Variants in ATXN7L3B observed in about 807,000 individuals in gnomAD.
The protein encoded by ATXN7L3B is ataxin-7-like protein 3B.
A neutral mutation model predicts 6.3 loss-of-function variants in ATXN7L3B; 4 were observed. That is an observed-to-expected ratio of 0.63 (90% CI 0.31 to 1.45). The LOEUF is 1.45. Ranked by LOEUF, ATXN7L3B falls within the 40% of genes most tolerant of loss-of-function variation. The pLI is 0.07. For missense variants in ATXN7L3B, 120 were observed against 118.5 expected (o/e 1.01, Z -0.06); for synonymous variants, 63 against 48.0 (o/e 1.31, Z -1.29).
rs1868840777 is a variant in ATXN7L3B, at chr12:74,539,972, A to C, written c.*1566A>C. 6.0e-6 allele frequency: 1 copy of C among 167,244 alleles called. No individual in the cohort carries two copies. The highest frequency in any genetic ancestry group is 1.5e-5 in the Non-Finnish European group (1 of 68,450). 10.4% of individuals were successfully genotyped at this position (167,244 alleles called of 1,614,324 possible). A position where few individuals can be genotyped will look rare whatever the true frequency, so the allele number is the denominator to read the frequency against. ...TGCTCCACTGCCTATCTGGTGCCCC[A>C]GGTGCTGCTTGCCACTCCAGCTGTC... On this transcript the variant is annotated 3_prime_UTR_variant, in exon 1 of 1. Transcript: ENST00000519948.
chr12:74,539,340 G>A lies in ATXN7L3B; in HGVS notation c.*934G>A, dbSNP rs1412839012. The A allele has an allele frequency of 6.0e-6, 1 of 167,130 alleles. No individual in the cohort carries two copies. Among genetic ancestry groups the A allele is most frequent in the African/African-American group, 2.4e-5 (1 of 41,456 alleles). The allele number at this position is 167,130 out of a possible 1,614,324, so 10.4% of individuals were successfully genotyped here. ...TCCATGGGTGTGACTTGGTCCTTAAGTCAGGTCACTATCTGCCTCCCACCC... is the reference window on the plus strand; with the variant it reads ...TCCATGGGTGTGACTTGGTCCTTAAATCAGGTCACTATCTGCCTCCCACCC... On this transcript the variant is annotated 3_prime_UTR_variant, in exon 1 of 1. Coordinates refer to ENST00000519948, the MANE Select transcript of ATXN7L3B (RefSeq NM_001136262.2).
Position 74,543,992 on chromosome 12 carries a change from C to G in ATXN7L3B, c.*5586C>G, listed in dbSNP as rs775073545. 34 of 151,954 alleles carry G rather than the reference C, an allele frequency of 2.2e-4. No individual in the cohort carries two copies. The highest frequency in any genetic ancestry group is 4.7e-4 in the Non-Finnish European group (32 of 67,868). 9.4% of individuals were successfully genotyped at this position (151,954 alleles called of 1,614,324 possible). ...ATTTACATGAACAATTTTATAGAAT[C>G]TAGAAACAGTTGTTCTCAGATGACA... On this transcript the variant is annotated 3_prime_UTR_variant, in exon 1 of 1. Coordinates refer to ENST00000519948, the MANE Select transcript of ATXN7L3B (RefSeq NM_001136262.2).
chr12:74,538,660 T>A lies in ATXN7L3B; in HGVS notation c.*254T>A, dbSNP rs1367880476. 1.2e-4 allele frequency: 61 copies of A among 509,176 alleles called. No homozygotes were observed. Among genetic ancestry groups the A allele is most frequent in the Non-Finnish European group, 1.8e-4 (50 of 273,770 alleles). 31.5% of individuals were successfully genotyped at this position (509,176 alleles called of 1,614,324 possible). On this transcript the variant is annotated 3_prime_UTR_variant, in exon 1 of 1. Transcript: ENST00000519948. ...GCGGGCCATGCAGTGCCTGTTGATC[T>A]CTAAACACACCAGGATGTGCGCAAG... is the stretch of plus-strand genomic sequence containing the variant.
rs1201473987 is a variant in ATXN7L3B, at chr12:74,544,445, A to G, written c.*6039A>G. 1 of 151,994 alleles carries G rather than the reference A, an allele frequency of 6.6e-6. No homozygotes were observed. Among genetic ancestry groups the G allele is most frequent in the Non-Finnish European group, 1.5e-5 (1 of 67,862 alleles). The allele number at this position is 151,994 out of a possible 1,614,324, so 9.4% of individuals were successfully genotyped here. On this transcript the variant is annotated 3_prime_UTR_variant, in exon 1 of 1. Coordinates refer to ENST00000519948, the MANE Select transcript of ATXN7L3B (RefSeq NM_001136262.2). ...GACAAGATCTTTTTGACAGATGTATATTTTAGTTTTGGTGCAGAAACAATG... is the reference window on the plus strand; with the variant it reads ...GACAAGATCTTTTTGACAGATGTATGTTTTAGTTTTGGTGCAGAAACAATG...
rs1171554706 is a variant in ATXN7L3B at position 74,540,208 on chromosome 12, T to TA, written c.*1804dup. On this transcript the variant is annotated 3_prime_UTR_variant, in exon 1 of 1. Coordinates refer to ENST00000519948, the MANE Select transcript of ATXN7L3B (RefSeq NM_001136262.2). Reference sequence around the variant, plus strand: ...TATTTAAAATGCAGTGTCATGCCTATAAGCATTTCTCCTATATAGGACTGC... The same window carrying TA: ...TATTTAAAATGCAGTGTCATGCCTATAAAGCATTTCTCCTATATAGGACTGC... The TA allele has an allele frequency of 6.0e-6, 1 of 167,094 alleles. No homozygotes were observed. Among genetic ancestry groups the TA allele is most frequent in the African/African-American group, 2.4e-5 (1 of 41,446 alleles). The allele number at this position is 167,094 out of a possible 1,614,324, so 10.4% of individuals were successfully genotyped here.
chr12:74,542,138 G>A lies in ATXN7L3B; in HGVS notation c.*3732G>A, dbSNP rs1429405187. The A allele has an allele frequency of 6.6e-6, 1 of 152,212 alleles. No homozygotes were observed. Among genetic ancestry groups the A allele is most frequent in the Admixed American group, 6.5e-5 (1 of 15,288 alleles). The allele number at this position is 152,212 out of a possible 1,614,324, so 9.4% of individuals were successfully genotyped here. On this transcript the variant is annotated 3_prime_UTR_variant, in exon 1 of 1. Coordinates refer to ENST00000519948, the MANE Select transcript of ATXN7L3B (RefSeq NM_001136262.2). ...GGATACCTCAGGGAAGCTTATAGAT[G>A]TGTAACATGGTATTGAGTCTTCTCT...
rs1039480882 is a variant in ATXN7L3B, at chr12:74,540,747, A to G, written c.*2341A>G. On this transcript the variant is annotated 3_prime_UTR_variant, in exon 1 of 1. Transcript: ENST00000519948. The stretch of plus-strand genomic sequence containing the variant: ...GATGATGGTAAAGGAGAAAGGCCAC[A>G]GTCCAATCCCTCTGCCTTCAGATAG... 2 of 167,158 alleles carry G rather than the reference A, an allele frequency of 1.2e-5. No homozygotes were observed. Among genetic ancestry groups the G allele is most frequent in the African/African-American group, 4.8e-5 (2 of 41,466 alleles). The allele number at this position is 167,158 out of a possible 1,614,324, so 10.4% of individuals were successfully genotyped here.
chr12:74,541,746 G>A lies in ATXN7L3B; in HGVS notation c.*3340G>A, dbSNP rs1329629070. 1 of 152,164 alleles carries A rather than the reference G, an allele frequency of 6.6e-6. No individual in the cohort carries two copies. Among genetic ancestry groups the A allele is most frequent in the Admixed American group, 6.5e-5 (1 of 15,284 alleles). 9.4% of individuals were successfully genotyped at this position (152,164 alleles called of 1,614,324 possible). On this transcript the variant is annotated 3_prime_UTR_variant, in exon 1 of 1. Coordinates refer to ENST00000519948, the MANE Select transcript of ATXN7L3B (RefSeq NM_001136262.2). ...CACTAAAAGCCCACTGTGACAGATAGTTCCATTTGAATTGAACTCAATATA... is the reference window on the plus strand; with the variant it reads ...CACTAAAAGCCCACTGTGACAGATAATTCCATTTGAATTGAACTCAATATA...
In ATXN7L3B at chr12:74,540,627, C is replaced by T. The variant is rs1261872766; in HGVS notation, c.*2221C>T. ...AAGAGCTAAAATAATTTGGAGATAT[C>T]TTTGCCCTTGACTTGTAGACGACAT... On this transcript the variant is annotated 3_prime_UTR_variant, in exon 1 of 1. Transcript: ENST00000519948. The T allele has an allele frequency of 6.0e-6, 1 of 166,972 alleles. No individual in the cohort carries two copies. Among genetic ancestry groups the T allele is most frequent in the Non-Finnish European group, 1.5e-5 (1 of 68,102 alleles). 10.3% of individuals were successfully genotyped at this position (166,972 alleles called of 1,614,324 possible). A position where few individuals can be genotyped will look rare whatever the true frequency, so the allele number is the denominator to read the frequency against.
In ATXN7L3B at chr12:74,537,988, A is replaced by G. The variant is rs1194236578; in HGVS notation, c.-125A>G. 2.3e-6 allele frequency: 2 copies of G among 874,992 alleles called. No individual in the cohort carries two copies. Among genetic ancestry groups the G allele is most frequent in the Non-Finnish European group, 3.5e-6 (2 of 577,492 alleles). 54.2% of individuals were successfully genotyped at this position (874,992 alleles called of 1,614,324 possible). On this transcript the variant is annotated 5_prime_UTR_variant, in exon 1 of 1. Transcript: ENST00000519948. ...CGCTGCTCCTGCAGTTGCGGACGCCACCGACCCCGCCGCCGGAGGACTGGG... is the reference window on the plus strand; with the variant it reads ...CGCTGCTCCTGCAGTTGCGGACGCCGCCGACCCCGCCGCCGGAGGACTGGG...
chr12:74,545,026 A>G lies in ATXN7L3B; in HGVS notation c.*6620A>G, dbSNP rs1011418689. On this transcript the variant is annotated 3_prime_UTR_variant, in exon 1 of 1. Transcript: ENST00000519948. ...AACAAAATACCAATTTACCCTACTC[A>G]GTATGATTAAATTTTTTTAAATGGT... 1.1e-4 allele frequency: 16 copies of G among 152,090 alleles called. No individual in the cohort carries two copies. Among genetic ancestry groups the G allele is most frequent in the African/African-American group, 3.6e-4 (15 of 41,466 alleles). The allele number at this position is 152,090 out of a possible 1,614,324, so 9.4% of individuals were successfully genotyped here.
In ATXN7L3B at chr12:74,538,637, G is replaced by C. The variant is rs1045445701; in HGVS notation, c.*231G>C. 4 of 556,216 alleles carry C rather than the reference G, an allele frequency of 7.2e-6. No individual in the cohort carries two copies. Among genetic ancestry groups the C allele is most frequent in the African/African-American group, 3.8e-5 (2 of 52,792 alleles). The allele number at this position is 556,216 out of a possible 1,614,324, so 34.5% of individuals were successfully genotyped here. ...GGGCAGGAGGAGCTGCACAGCCTGC[G>C]GGCCATGCAGTGCCTGTTGATCTCT... is the stretch of plus-strand genomic sequence containing the variant. On this transcript the variant is annotated 3_prime_UTR_variant, in exon 1 of 1. Coordinates refer to ENST00000519948, the MANE Select transcript of ATXN7L3B (RefSeq NM_001136262.2).
rs1293078447 is a variant in ATXN7L3B at position 74,541,024 on chromosome 12, G to A, written c.*2618G>A. The A allele has an allele frequency of 6.0e-6, 1 of 166,790 alleles. No homozygotes were observed. The highest frequency in any genetic ancestry group is 1.5e-5 in the Non-Finnish European group (1 of 68,118). 10.3% of individuals were successfully genotyped at this position (166,790 alleles called of 1,614,324 possible). On this transcript the variant is annotated 3_prime_UTR_variant, in exon 1 of 1. Transcript: ENST00000519948. ...GCTCCCTACCATATAGTTGACAGTG[G>A]TTAGGAACTCTCCCTTTCCCTACCT...
In ATXN7L3B at chr12:74,541,973, C is replaced by G. The variant is rs1451862259; in HGVS notation, c.*3567C>G. On this transcript the variant is annotated 3_prime_UTR_variant, in exon 1 of 1. Coordinates refer to ENST00000519948, the MANE Select transcript of ATXN7L3B (RefSeq NM_001136262.2). ...TTCCTAACCCAGAGTTTGAGCACTT[C>G]CCCTAGAAACTACTTAGTGATCCTG... is the stretch of plus-strand genomic sequence containing the variant. The G allele has an allele frequency of 6.6e-6, 1 of 152,130 alleles. No homozygotes were observed. The highest frequency in any genetic ancestry group is 2.1e-4 in the South Asian group (1 of 4,822). 9.4% of individuals were successfully genotyped at this position (152,130 alleles called of 1,614,324 possible). A position where few individuals can be genotyped will look rare whatever the true frequency, so the allele number is the denominator to read the frequency against.
In ATXN7L3B at chr12:74,541,334, A is replaced by T. The variant is rs1213446533; in HGVS notation, c.*2928A>T. 1 of 166,684 alleles carries T rather than the reference A, an allele frequency of 6.0e-6. No individual in the cohort carries two copies. The highest frequency in any genetic ancestry group is 1.5e-5 in the Non-Finnish European group (1 of 68,124). 10.3% of individuals were successfully genotyped at this position (166,684 alleles called of 1,614,324 possible). The stretch of plus-strand genomic sequence containing the variant: ...TTGTTTTGGAGATTTTTATTTTTGC[A>T]TAAGTAGTCCATCCTATACAGATAG... On this transcript the variant is annotated 3_prime_UTR_variant, in exon 1 of 1. Transcript: ENST00000519948.
In ATXN7L3B at chr12:74,543,697, T is replaced by C. The variant is rs902874973; in HGVS notation, c.*5291T>C. On this transcript the variant is annotated 3_prime_UTR_variant, in exon 1 of 1. Coordinates refer to ENST00000519948, the MANE Select transcript of ATXN7L3B (RefSeq NM_001136262.2). ...TTAATCACAGGATGGCAAGATTTCA[T>C]CTCAAAATCATCACATTACCATTAG... 2 of 151,928 alleles carry C rather than the reference T, an allele frequency of 1.3e-5. No individual in the cohort carries two copies. Among genetic ancestry groups the C allele is most frequent in the East Asian group, 3.8e-4 (2 of 5,204 alleles). The allele number at this position is 151,928 out of a possible 1,614,324, so 9.4% of individuals were successfully genotyped here.
Position 74,538,414 on chromosome 12 carries a change from A to G in ATXN7L3B, c.*8A>G. 6.5e-7 allele frequency: 1 copy of G among 1,548,888 alleles called. No individual in the cohort carries two copies. The highest frequency in any genetic ancestry group is 1.7e-4 in the Middle Eastern group (1 of 5,878). On this transcript the variant is annotated 3_prime_UTR_variant, in exon 1 of 1. Coordinates refer to ENST00000519948, the MANE Select transcript of ATXN7L3B (RefSeq NM_001136262.2). The stretch of plus-strand genomic sequence containing the variant: ...CCTCCGGAATTCCAGTAGCTGCAAA[A>G]TGAGAGTCTGAAAGTGGCCAGGACA...
chr12:74,543,763 GT>G lies in ATXN7L3B; in HGVS notation c.*5360del, dbSNP rs1277948671. ...AAATTTGAACTGATACTGAAAAATAGTTTGAAAAAATTCAATACGAATTATT... is the reference window on the plus strand; with the variant it reads ...AAATTTGAACTGATACTGAAAAATAGTTGAAAAAATTCAATACGAATTATT... On this transcript the variant is annotated 3_prime_UTR_variant, in exon 1 of 1. Transcript: ENST00000519948. 1 of 151,824 alleles carries G rather than the reference GT, an allele frequency of 6.6e-6. No individual in the cohort carries two copies. Among genetic ancestry groups the G allele is most frequent in the African/African-American group, 2.4e-5 (1 of 41,364 alleles). 9.4% of individuals were successfully genotyped at this position (151,824 alleles called of 1,614,324 possible).
In ATXN7L3B at chr12:74,539,011, C is replaced by T. The variant is rs890939841; in HGVS notation, c.*605C>T. 1.2e-5 allele frequency: 2 copies of T among 168,054 alleles called. No homozygotes were observed. Among genetic ancestry groups the T allele is most frequent in the African/African-American group, 4.8e-5 (2 of 41,466 alleles). 10.4% of individuals were successfully genotyped at this position (168,054 alleles called of 1,614,324 possible). ...CTCCAGCAAGAAGAAAAGGTCAAAA[C>T]CACGTGTTTCCCAAAAGTCCAGACT... On this transcript the variant is annotated 3_prime_UTR_variant, in exon 1 of 1. Coordinates refer to ENST00000519948, the MANE Select transcript of ATXN7L3B (RefSeq NM_001136262.2).
Sources: gnomAD v4.1 joint callset for allele counts on GRCh38, gnomAD v4.1.1 for gene constraint, MANE v1.5 for transcripts, NCBI Gene and HGNC (gene_info 2026-07-23, HGNC 2026-07-21) for gene names.